Variants in PARD3B observed in about 807,000 individuals in gnomAD.
The protein encoded by PARD3B is partitioning defective 3 homolog B.
Under a neutral mutation model 130.2 loss-of-function variants are expected in PARD3B, and 103 were observed. The ratio of observed to expected loss-of-function variants is 0.79; its 90% CI spans 0.67 to 0.93. The LOEUF is 0.93. Among genes scored for constraint, PARD3B ranks in the 40% least tolerant of loss-of-function variants. The pLI is 0.00. For missense variants in PARD3B, 1,609 were observed against 1,499.2 expected, an observed-to-expected ratio of 1.07 and a Z score of -1.21; for synonymous variants, 583 against 553.2, an observed-to-expected ratio of 1.05 and a Z score of -0.76.
chr2:204,908,148 A>G (rs2047102037), intron 2 of PARD3B, among the ~76,000 whole-genome samples: 1 of 152,214 alleles, frequency 6.6e-6, no homozygotes, highest in African/African-American at 2.4e-5. Context: ...GTAAACTGAT[A>G]TAATATCTTC....
intron 10 of PARD3B, among the ~76,000 whole-genome samples, chr2:205,145,330 A>C (rs1337113384): frequency 2.3e-4 from 17 of 73,722 alleles, no homozygotes; most frequent in African/African-American, 7.2e-4. Context: ...CGCCCCCGCA[A>C]AAAAAAAAGA....
intron 18 of PARD3B, among the ~76,000 whole-genome samples, chr2:205,368,494 T>G (rs1320273092): frequency 1.3e-5 from 2 of 152,000 alleles, no homozygotes; most frequent in Admixed American, 1.3e-4. Context: ...TAGCCGTGCG[T>G]GATGGTGCAC....
chr2:205,296,430 A>G (rs981636156), intron 16 of PARD3B, among the ~76,000 whole-genome samples: 1 of 152,190 alleles, frequency 6.6e-6, no homozygotes, highest in Non-Finnish European at 1.5e-5. Context: ...CATCCAAACT[A>G]TCCTCCAGGA....
chr2:204,652,732 T>TCTTTCTACAGATAGGAAG (rs2035521473), intron 1 of PARD3B, among the ~76,000 whole-genome samples: 1 of 151,622 alleles, frequency 6.6e-6, no homozygotes, highest in African/African-American at 2.4e-5. Flanking sequence ...ACTGGGTAAT[T>TCTTTCTACAGATAGGAAG]TATGAGCAAA....
intron 2 of PARD3B, among the ~76,000 whole-genome samples, chr2:204,909,795 A>T (rs982692179): frequency 6.6e-6 from 1 of 152,156 alleles, no homozygotes; most frequent in African/African-American, 2.4e-5. Flanking sequence ...TGAAATCATC[A>T]TTTTTGTTGC....
chr2:204,793,500 A>G (rs560747183), intron 2 of PARD3B, among the ~76,000 whole-genome samples: 17 of 151,978 alleles, frequency 1.1e-4, no homozygotes, highest in Middle Eastern at 3.4e-3. Context: ...CTTATCATTG[A>G]CCTTTTTTAT....
chr2:204,748,873 A>G (rs185906102), intron 2 of PARD3B, among the ~76,000 whole-genome samples: 36 of 152,300 alleles, frequency 2.4e-4, no homozygotes, highest in Admixed American at 3.9e-4. Flanking sequence ...CTATATACCC[A>G]TATCCTCATT....
At chr2:204,803,025 A>G (rs1320442189) in intron 2 of PARD3B, among the ~76,000 whole-genome samples, 1 of 150,948 alleles carries the variant, frequency 6.6e-6, no homozygotes, top group Non-Finnish European at 1.5e-5. Context: ...AAATGTTCTG[A>G]AGGAAGTGAA....
intron 1 of PARD3B, among the ~76,000 whole-genome samples, chr2:204,548,360 A>G (rs1438729690): frequency 6.6e-6 from 1 of 152,182 alleles, no homozygotes; most frequent in East Asian, 1.9e-4. Context: ...TATTCTGTGC[A>G]GGCCCTGTTT....
chr2:204,825,385 T>C (rs2043527753), intron 2 of PARD3B, among the ~76,000 whole-genome samples: 1 of 152,152 alleles, frequency 6.6e-6, no homozygotes, highest in Non-Finnish European at 1.5e-5. Flanking sequence ...GTTGCACAGC[T>C]TGGAGCAGTT....
rs561129422 is a variant in PARD3B, at chr2:205,565,699, G to A, written c.3260+12296G>A. Among the ~76,000 whole-genome samples the A allele has an allele frequency of 4.6e-5, 7 of 152,286 alleles. No homozygotes were observed. In the South Asian group the frequency reaches 1.2e-3, roughly 27 times the overall value. On this transcript the variant is annotated intron_variant, in intron 22 of 22. Transcript: ENST00000406610. The stretch of plus-strand genomic sequence containing the variant: ...TGTGTGCAACTTATTAGCCTGAACA[G>A]ATGAGCTAGGAAAGTCATCTACTCT...
At chr2:204,582,010 A>C (rs919112429) in intron 1 of PARD3B, among the ~76,000 whole-genome samples, 3 of 152,102 alleles carry the variant, frequency 2.0e-5, no homozygotes, top group African/African-American at 7.2e-5. Flanking sequence ...ATGTGTATTA[A>C]TGGTTTGGCA....
intron 2 of PARD3B, among the ~76,000 whole-genome samples, chr2:204,918,470 A>G (rs968298690): frequency 7.2e-5 from 11 of 152,036 alleles, no homozygotes; most frequent in Non-Finnish European, 1.5e-4. Flanking sequence ...CTCTACTAAA[A>G]ATACAAAAAA....
At chr2:204,615,618 C>T (rs1417916604) in intron 1 of PARD3B, among the ~76,000 whole-genome samples, 1 of 152,126 alleles carries the variant, frequency 6.6e-6, no homozygotes, top group East Asian at 1.9e-4. Flanking sequence ...TGGCAATGAG[C>T]ACTGTCAGTT....
intron 2 of PARD3B, among the ~76,000 whole-genome samples, chr2:204,842,191 TA>T (rs929809130): frequency 1.3e-5 from 2 of 152,154 alleles, no homozygotes; most frequent in African/African-American, 4.8e-5. Flanking sequence ...TAATAGCGGT[TA>T]TTTTTCAAAG....
chr2:205,111,991 C>T (rs886578451), intron 5 of PARD3B, among the ~76,000 whole-genome samples: 3 of 152,168 alleles, frequency 2.0e-5, no homozygotes, highest in African/African-American at 7.2e-5. Flanking sequence ...GTCAACCAAG[C>T]ATTTTATATT....
At chr2:204,763,040 G>C (rs143905237) in intron 2 of PARD3B, among the ~76,000 whole-genome samples, 1 of 152,108 alleles carries the variant, frequency 6.6e-6, no homozygotes, top group Non-Finnish European at 1.5e-5. Context: ...GATTACATGC[G>C]TGAGCCACTG....
At chr2:205,172,105 C>G (rs1393674700) in intron 11 of PARD3B, 106 bp from the exon 12 acceptor site, 2 of 1,175,006 alleles carry the variant, frequency 1.7e-6, no homozygotes, top group Non-Finnish European at 2.4e-6. Context: ...GCTAGGTTTT[C>G]TTTTTTTCTT....
intron 2 of PARD3B, among the ~76,000 whole-genome samples, chr2:204,751,972 A>G (rs751493207): frequency 8.5e-5 from 13 of 152,154 alleles, no homozygotes; most frequent in Non-Finnish European, 1.3e-4. Context: ...GTCAAGGGCT[A>G]TGTATTCATC....
Sources: allele counts gnomAD v4.1 joint callset (sites outside exome capture counted in the v4.1 genomes callset), GRCh38; gene constraint gnomAD v4.1.1; transcripts MANE v1.5; gene names NCBI Gene and HGNC (gene_info 2026-07-23, HGNC 2026-07-21).